VAV3: variants seen among roughly 807,000 people sequenced by gnomAD.
VAV3 encodes the protein guanine nucleotide exchange factor VAV3.
In VAV3, 94 loss-of-function variants were observed where a neutral mutation model predicts 131.2. That is an observed-to-expected ratio of 0.72 (90% CI 0.61 to 0.85). The LOEUF (loss-of-function observed/expected upper bound fraction) is 0.85. Among genes scored for constraint, VAV3 ranks in the 40% least tolerant of loss-of-function variants. The pLI is 0.00. For missense variants in VAV3, 939 were observed against 1,002.7 expected, an observed-to-expected ratio of 0.94 and a Z score of 0.86; for synonymous variants, 349 against 342.0, an observed-to-expected ratio of 1.02 and a Z score of -0.22.
At chr1:107,617,134 T>C (rs1212544483) in intron 21 of VAV3, among the ~76,000 whole-genome samples, 1 of 152,196 alleles carries the variant, frequency 6.6e-6, no homozygotes, top group East Asian at 1.9e-4. Context: ...GAAAATATAT[T>C]TAGACATTTG....
intron 1 of VAV3, among the ~76,000 whole-genome samples, chr1:107,947,829 A>G (rs145507444): frequency 6.6e-6 from 1 of 152,142 alleles, no homozygotes; most frequent in Non-Finnish European, 1.5e-5. Context: ...TTAAATAATC[A>G]CTCAATGACC....
chr1:107,779,461 G>T lies in VAV3; in HGVS notation c.353C>A (p.Thr118Lys). The change falls in exon 3 of 27, where the codon ACA becomes AAA. Residue 118 changes from threonine to lysine, a missense_variant. Physicochemically the swap from Thr to Lys is moderately conservative, Grantham distance 78. Coordinates refer to ENST00000370056, the MANE Select transcript of VAV3 (RefSeq NM_006113.5). ...VIETLSRLSR[T>K]PIALATGIRP... ...GATTCCTGTGGCCAATGCTATAGGTGTTCGAGAAAGTCGTGATAATGTTTC... is the reference window on the plus strand; with the variant it reads ...GATTCCTGTGGCCAATGCTATAGGTTTTCGAGAAAGTCGTGATAATGTTTC... The T allele has an allele frequency of 6.3e-7, 1 of 1,590,822 alleles. No homozygotes were observed. Among genetic ancestry groups the T allele is most frequent in the Non-Finnish European group, 8.6e-7 (1 of 1,168,158 alleles).
intron 2 of VAV3, among the ~76,000 whole-genome samples, chr1:107,797,246 T>C (rs1206416167): frequency 1.3e-5 from 2 of 152,202 alleles, no homozygotes; most frequent in Non-Finnish European, 2.9e-5. Flanking sequence ...CAAACTCAAG[T>C]CACTTCAGCT....
intron 1 of VAV3, among the ~76,000 whole-genome samples, chr1:107,947,652 T>A (rs903410228): frequency 6.6e-6 from 1 of 152,206 alleles, no homozygotes; most frequent in Non-Finnish European, 1.5e-5. Flanking sequence ...TAATGGTGCA[T>A]GAGTTGAACC....
chr1:107,655,621 G>A (rs372116407), intron 19 of VAV3, among the ~76,000 whole-genome samples: 17 of 151,914 alleles, frequency 1.1e-4, no homozygotes, highest in Admixed American at 3.3e-4. Flanking sequence ...AATAGAACAC[G>A]ATTACATTAA....
chr1:107,890,955 AG>A (rs1193670360), intron 1 of VAV3, among the ~76,000 whole-genome samples: 1 of 152,128 alleles, frequency 6.6e-6, no homozygotes, highest in Non-Finnish European at 1.5e-5. Flanking sequence ...GATGTGGTGT[AG>A]GGTTTTATTA....
At chr1:107,819,418 T>C (rs1667695664) in intron 2 of VAV3, among the ~76,000 whole-genome samples, 1 of 151,118 alleles carries the variant, frequency 6.6e-6, no homozygotes, top group South Asian at 2.1e-4. Context: ...GAGGCTATAA[T>C]CCCAGCTACT....
At chr1:107,791,170 T>G (rs1666268259) in intron 2 of VAV3, among the ~76,000 whole-genome samples, 1 of 152,116 alleles carries the variant, frequency 6.6e-6, no homozygotes, top group Admixed American at 6.5e-5. Flanking sequence ...TTTATCAAAC[T>G]TGACAAGTTA....
chr1:107,929,768 T>G (rs984481733), intron 1 of VAV3, among the ~76,000 whole-genome samples: 3 of 152,152 alleles, frequency 2.0e-5, no homozygotes, highest in Admixed American at 6.6e-5. Context: ...CAGCTTAAAG[T>G]AGATTTGGAA....
At position 107,769,745 on chromosome 1, in the gene VAV3, G is replaced by C. The variant is rs184561115; in HGVS notation, c.648+891C>G. The stretch of plus-strand genomic sequence containing the variant: ...CCCAAGCCTGTCCTTCCCCACCCCT[G>C]TAATCTTCACCATTCATGCAGTTTC... On this transcript the variant is annotated intron_variant, in intron 6 of 26. Coordinates refer to ENST00000370056, the MANE Select transcript of VAV3 (RefSeq NM_006113.5). Among the ~76,000 whole-genome samples, 12 of 152,180 alleles carry C rather than the reference G, an allele frequency of 7.9e-5. No individual in the cohort carries two copies. The East Asian group carries it at 2.3e-3, about 29-fold the overall frequency.
At chr1:107,737,474 T>C (rs1472146764) in intron 15 of VAV3, among the ~76,000 whole-genome samples, 3 of 151,934 alleles carry the variant, frequency 2.0e-5, no homozygotes, top group Non-Finnish European at 2.9e-5. Context: ...AGGACTAATA[T>C]CCAGAATCTA....
chr1:107,890,142 G>GT (rs958934317), intron 1 of VAV3, among the ~76,000 whole-genome samples: 5 of 152,028 alleles, frequency 3.3e-5, no homozygotes, highest in African/African-American at 9.7e-5. Flanking sequence ...TAAAATCACC[G>GT]TATCAGCAAG....
chr1:107,770,796 A>G, intron 5 of VAV3, 68 bp from the exon 6 acceptor site: 4 of 1,279,162 alleles, frequency 3.1e-6, no homozygotes, highest in Non-Finnish European at 4.4e-6. Context: ...GGAAGTAGAG[A>G]TCAAAAGCAT....
intron 1 of VAV3, among the ~76,000 whole-genome samples, chr1:107,904,114 A>G (rs1671995272): frequency 6.6e-6 from 1 of 152,258 alleles, no homozygotes; most frequent in East Asian, 1.9e-4. Context: ...ATCAGTTCCC[A>G]AAAGAGCTTG....
At chr1:107,775,577 CAAAAAAAA>C (rs34775096) in intron 4 of VAV3, among the ~76,000 whole-genome samples, 6 of 56,446 alleles carry the variant, frequency 1.1e-4, no homozygotes, top group African/African-American at 3.0e-4. Context: ...GACTCAGTCA[CAAAAAAAA>C]AAAAAAAAAA....
At chr1:107,906,469 C>G (rs553088732) in intron 1 of VAV3, among the ~76,000 whole-genome samples, 3 of 152,186 alleles carry the variant, frequency 2.0e-5, no homozygotes, top group Non-Finnish European at 4.4e-5. Flanking sequence ...TCGAGACCAT[C>G]CTGGCTAACA....
intron 1 of VAV3, among the ~76,000 whole-genome samples, chr1:107,937,530 A>C (rs1055039154): frequency 1.3e-5 from 2 of 152,228 alleles, no homozygotes; most frequent in African/African-American, 4.8e-5. Flanking sequence ...GATAAGTACA[A>C]AACATTCAAT....
intron 5 of VAV3, 93 bp downstream of exon 5, chr1:107,772,642 A>C: frequency 9.0e-7 from 1 of 1,114,566 alleles, no homozygotes; most frequent in South Asian, 1.5e-5. Flanking sequence ...AAGGTTAAAA[A>C]AAATCCCAGC....
chr1:107,719,821 A>C (rs1661371434), intron 15 of VAV3, among the ~76,000 whole-genome samples: 2 of 152,234 alleles, frequency 1.3e-5, no homozygotes, highest in Non-Finnish European at 2.9e-5. Context: ...AATGTCCAAC[A>C]ATGATAGACT....
Sources: allele counts gnomAD v4.1 joint callset (sites outside exome capture counted in the v4.1 genomes callset), GRCh38; gene constraint gnomAD v4.1.1; transcripts MANE v1.5; gene names NCBI Gene and HGNC (gene_info 2026-07-23, HGNC 2026-07-21).